The following MALRD1 variants were observed in gnomAD, a reference collection of about 807,000 sequenced individuals.
MALRD1 encodes MAM and LDL-receptor class A domain-containing protein 1.
MALRD1 carries 247 observed loss-of-function variants against 242.1 expected under a neutral mutation model. The observed-to-expected ratio is 1.02, with a 90% CI of 0.92 to 1.13. MALRD1 has a LOEUF of 1.13. Among genes scored for constraint, MALRD1 ranks in the 50% most tolerant of loss-of-function variants. The probability of loss-of-function intolerance (pLI) is 0.00; values close to 1 mark genes in which losing one functional copy is unlikely to be tolerated. For missense variants in MALRD1, 2,989 were observed against 2,533.1 expected (o/e 1.18, Z -3.86); for synonymous variants, 995 against 866.6 (o/e 1.15, Z -2.60).
intron 18 of MALRD1, among the ~76,000 whole-genome samples, chr10:19,231,313 G>A (rs931087869): frequency 6.6e-6 from 1 of 152,124 alleles, no homozygotes; most frequent in Admixed American, 6.5e-5. Flanking sequence ...CCCCACAGTT[G>A]TTGGTTCCTA....
At chr10:19,585,486 G>C (rs1288059021) in intron 33 of MALRD1, among the ~76,000 whole-genome samples, 4 of 152,010 alleles carry the variant, frequency 2.6e-5, no homozygotes, top group African/African-American at 7.2e-5. Context: ...CATTTATGAA[G>C]CTTAGTTTGG....
At chr10:19,576,735 C>T (rs1318331041) in intron 33 of MALRD1, among the ~76,000 whole-genome samples, 1 of 152,182 alleles carries the variant, frequency 6.6e-6, no homozygotes, top group Non-Finnish European at 1.5e-5. Context: ...TGAGAAAGCA[C>T]AGCCCTTTAT....
chr10:19,122,817 C>T (rs1837111649), intron 5 of MALRD1, among the ~76,000 whole-genome samples: 2 of 152,114 alleles, frequency 1.3e-5, no homozygotes, highest in African/African-American at 2.4e-5. Context: ...CCTCCACCTC[C>T]TGAGTTCAAG....
intron 18 of MALRD1, among the ~76,000 whole-genome samples, chr10:19,237,524 ATAT>A (rs1838377697): frequency 1.5e-5 from 2 of 135,600 alleles, no homozygotes; most frequent in Non-Finnish European, 3.1e-5. Flanking sequence ...ATATATATAT[ATAT>A]ATATATATAA....
At chr10:19,643,768 A>G (rs908408624) in intron 36 of MALRD1, among the ~76,000 whole-genome samples, 56 of 152,076 alleles carry the variant, frequency 3.7e-4, no homozygotes, top group African/African-American at 1.2e-3. Context: ...CCCGTTTTCT[A>G]TCTATTCTCT....
At chr10:19,623,066 A>G (rs1839475251) in intron 36 of MALRD1, among the ~76,000 whole-genome samples, 2 of 152,052 alleles carry the variant, frequency 1.3e-5, no homozygotes, top group South Asian at 4.1e-4. Context: ...TAAGCAGTAA[A>G]TTTCTCTATA....
chr10:19,263,381 C>T (rs1338145390), intron 19 of MALRD1, among the ~76,000 whole-genome samples: 1 of 152,164 alleles, frequency 6.6e-6, no homozygotes, highest in Non-Finnish European at 1.5e-5. Flanking sequence ...TTTGCATTTT[C>T]CTGATCATTA....
intron 12 of MALRD1, 48 bp downstream of exon 12, chr10:19,155,220 C>A: frequency 9.2e-7 from 1 of 1,088,586 alleles, no homozygotes; most frequent in Non-Finnish European, 1.2e-6. Flanking sequence ...GGTTGTAAAT[C>A]GCTGAGCTTG....
At chr10:19,637,867 G>A (rs995554086) in intron 36 of MALRD1, among the ~76,000 whole-genome samples, 2 of 151,918 alleles carry the variant, frequency 1.3e-5, no homozygotes, top group African/African-American at 2.4e-5. Context: ...TTGGGAGGCC[G>A]AGGCAGGTGG....
chr10:19,568,152 G>GA (rs113969705), intron 33 of MALRD1, among the ~76,000 whole-genome samples: 15 of 150,606 alleles, frequency 1.0e-4, no homozygotes, highest in Middle Eastern at 3.4e-3. Flanking sequence ...ATTTCAAAAA[G>GA]AAAAAAAAAG....
At chr10:19,207,553 T>C (rs1441499784) in intron 17 of MALRD1, among the ~76,000 whole-genome samples, 1 of 152,132 alleles carries the variant, frequency 6.6e-6, no homozygotes, top group Non-Finnish European at 1.5e-5. Context: ...TAGGCTGGAG[T>C]ACAGTGGCAG....
intron 29 of MALRD1, among the ~76,000 whole-genome samples, chr10:19,477,536 G>C (rs1215649779): frequency 6.6e-6 from 1 of 152,080 alleles, no homozygotes; most frequent in African/African-American, 2.4e-5. Context: ...TCATTGTCTG[G>C]GGCAAACACC....
intron 34 of MALRD1, among the ~76,000 whole-genome samples, chr10:19,602,994 C>A (rs1275767111): frequency 6.6e-6 from 1 of 152,196 alleles, no homozygotes; most frequent in African/African-American, 2.4e-5. Context: ...TAAATGCCTT[C>A]TTTTGAGAAG....
chr10:19,392,661 T>C (rs1846389291), intron 28 of MALRD1, among the ~76,000 whole-genome samples: 1 of 152,150 alleles, frequency 6.6e-6, no homozygotes, highest in African/African-American at 2.4e-5. Flanking sequence ...GAAACAAATG[T>C]AAGTTTTGTG....
At chr10:19,543,079 G>A (rs2131381029) in intron 32 of MALRD1, among the ~76,000 whole-genome samples, 1 of 152,214 alleles carries the variant, frequency 6.6e-6, no homozygotes, top group African/African-American at 2.4e-5. Context: ...CCCTGCAAGA[G>A]TACTATTAAT....
intron 2 of MALRD1, among the ~76,000 whole-genome samples, chr10:19,071,891 C>A (rs184685943): frequency 1.3e-5 from 2 of 152,114 alleles, no homozygotes; most frequent in Non-Finnish European, 1.5e-5. Context: ...TTATTCCTTT[C>A]TATATTTACT....
intron 32 of MALRD1, among the ~76,000 whole-genome samples, chr10:19,540,857 G>A (rs185662330): frequency 1.6e-4 from 24 of 152,302 alleles, no homozygotes; most frequent in Admixed American, 2.0e-4. Context: ...GCTCACGGCT[G>A]TAATCCCAGC....
At chr10:19,334,292 T>C (rs1410504072) in intron 24 of MALRD1, among the ~76,000 whole-genome samples, 1 of 151,998 alleles carries the variant, frequency 6.6e-6, no homozygotes, top group Non-Finnish European at 1.5e-5. Flanking sequence ...TTTATAGTTT[T>C]AGGTCTTGCC....
At position 19,088,113 on chromosome 10, in the gene MALRD1, G is replaced by T. The variant is rs1835737575; in HGVS notation, c.525G>T (p.Trp175Cys). 21 of 1,233,342 alleles carry T rather than the reference G, an allele frequency of 1.7e-5. No homozygotes were observed. The highest frequency in any genetic ancestry group is 2.0e-5 in the Non-Finnish European group (20 of 987,870). 76.4% of individuals were successfully genotyped at this position (1,233,342 alleles called of 1,614,324 possible). ...GTGGAGGTCCTATTCAGCATTTATG[G>T]CAAAACACAGCTGCACTCCCAAATC... ...TACGGPIQHL[W>C]QNTAALPNQW... Residue 175 changes from tryptophan to cysteine, a missense_variant, in exon 4 of 40, where the codon TGG becomes TGT. By Grantham distance (215) the Trp-to-Cys change is radical. Transcript: ENST00000454679.
Sources: allele counts gnomAD v4.1 joint callset (sites outside exome capture counted in the v4.1 genomes callset), GRCh38; gene constraint gnomAD v4.1.1; transcripts MANE v1.5; gene names NCBI Gene and HGNC (gene_info 2026-07-23, HGNC 2026-07-21).